Variants in RIMS2 observed in about 807,000 individuals in gnomAD.
RIMS2 encodes the protein regulating synaptic membrane exocytosis 2.
Under a neutral mutation model 174.4 loss-of-function variants are expected in RIMS2, and 59 were observed. The ratio of observed to expected loss-of-function variants is 0.34; its 90% CI spans 0.27 to 0.42. RIMS2 has a LOEUF of 0.42. RIMS2 is among the 10% of genes least tolerant of loss of function. The probability of loss-of-function intolerance (pLI) is 1.00; values close to 1 mark genes in which losing one functional copy is unlikely to be tolerated. For synonymous variants in RIMS2, 606 were observed against 572.5 expected, an observed-to-expected ratio of 1.06 and a Z score of -0.84; for missense variants, 1,620 against 1,666.3, an observed-to-expected ratio of 0.97 and a Z score of 0.48.
intron 1 of RIMS2, among the ~76,000 whole-genome samples, chr8:103,516,562 A>G (rs1699600465): frequency 2.0e-5 from 3 of 152,184 alleles, no homozygotes; most frequent in Admixed American, 2.0e-4. Flanking sequence ...TGAAAGATGG[A>G]AGAAAAGAAG....
chr8:103,998,332 GT>G (rs2095232114), intron 17 of RIMS2: 3 of 878,378 alleles, frequency 3.4e-6, no homozygotes, highest in South Asian at 3.1e-5. Flanking sequence ...TTTTATTTCT[GT>G]TTTTATGTAT....
chr8:104,045,620 A>T (rs1014065737), intron 19 of RIMS2, among the ~76,000 whole-genome samples: 20 of 151,872 alleles, frequency 1.3e-4, no homozygotes, highest in African/African-American at 4.6e-4. Flanking sequence ...TCATAAGTAG[A>T]TCTCAACATA....
chr8:104,087,364 A>G (rs574302943), intron 19 of RIMS2, among the ~76,000 whole-genome samples: 2 of 152,124 alleles, frequency 1.3e-5, no homozygotes, highest in African/African-American at 2.4e-5. Flanking sequence ...AAATAGCTGG[A>G]TAGATGATTG....
chr8:103,521,758 T>C (rs552871449), intron 1 of RIMS2, among the ~76,000 whole-genome samples: 6 of 152,116 alleles, frequency 3.9e-5, no homozygotes, highest in African/African-American at 1.4e-4. Context: ...GCTGCATTAG[T>C]AGCATTTCTC....
intron 1 of RIMS2, among the ~76,000 whole-genome samples, chr8:103,524,472 G>A (rs1409478311): frequency 4.6e-5 from 7 of 152,130 alleles, no homozygotes; most frequent in Admixed American, 3.9e-4. Context: ...ATTGCCAAAA[G>A]TCCTGGTAGG....
At chr8:104,107,345 T>C (rs894165328) in intron 19 of RIMS2, among the ~76,000 whole-genome samples, 1 of 152,178 alleles carries the variant, frequency 6.6e-6, no homozygotes, top group African/African-American at 2.4e-5. Context: ...ATAGTTTCTC[T>C]TGTGATACCC....
At chr8:103,933,026 C>T (rs1449157007) in intron 12 of RIMS2, among the ~76,000 whole-genome samples, 1 of 152,064 alleles carries the variant, frequency 6.6e-6, no homozygotes, top group African/African-American at 2.4e-5. Context: ...GGCGCGGTGG[C>T]TCATGCCTGT....
At chr8:103,633,911 A>T (rs1340777824) in intron 1 of RIMS2, among the ~76,000 whole-genome samples, 1 of 151,656 alleles carries the variant, frequency 6.6e-6, no homozygotes, top group Non-Finnish European at 1.5e-5. Context: ...TTTTATTTGG[A>T]TGTTCTCTTT....
chr8:104,137,164 G>C (rs1157900835), intron 19 of RIMS2, among the ~76,000 whole-genome samples: 1 of 152,156 alleles, frequency 6.6e-6, no homozygotes, highest in Non-Finnish European at 1.5e-5. Context: ...CTGAGGGACT[G>C]TTTCTTCAAG....
intron 3 of RIMS2, among the ~76,000 whole-genome samples, chr8:103,821,049 C>T (rs567366408): frequency 1.2e-3 from 179 of 149,684 alleles, no homozygotes; most frequent in South Asian, 2.3e-3. Flanking sequence ...TTTTTTAATG[C>T]CAAGAATTTG....
chr8:103,937,903 C>T (rs2081627429), intron 13 of RIMS2, among the ~76,000 whole-genome samples: 2 of 152,292 alleles, frequency 1.3e-5, no homozygotes, highest in South Asian at 4.1e-4. Flanking sequence ...TGCTTTGTCA[C>T]AGTGGCACAG....
chr8:103,558,443 C>A (rs1039055426), intron 1 of RIMS2, among the ~76,000 whole-genome samples: 1 of 152,150 alleles, frequency 6.6e-6, no homozygotes, highest in Non-Finnish European at 1.5e-5. Flanking sequence ...AGGGTGGTCT[C>A]AAACTCCAGG....
At chr8:103,693,433 AT>A (rs1337192763) in intron 1 of RIMS2, among the ~76,000 whole-genome samples, 1 of 152,176 alleles carries the variant, frequency 6.6e-6, no homozygotes, top group African/African-American at 2.4e-5. Flanking sequence ...GAGGAGGATA[AT>A]TAATGGAGGC....
chr8:103,659,939 A>C (rs2096577163), intron 1 of RIMS2, among the ~76,000 whole-genome samples: 1 of 152,194 alleles, frequency 6.6e-6, no homozygotes, highest in Non-Finnish European at 1.5e-5. Context: ...CCTGATGATG[A>C]CTACTTCTCC....
chr8:104,127,566 G>A (rs72685008), intron 19 of RIMS2, among the ~76,000 whole-genome samples: 5,190 of 152,208 alleles, frequency 0.034, 127 homozygotes, highest in Middle Eastern at 0.14. Context: ...ACTGTCTTGT[G>A]TTAACATGTA....
intron 2 of RIMS2, among the ~76,000 whole-genome samples, chr8:103,731,406 T>G (rs564127430): frequency 1.3e-5 from 2 of 152,266 alleles, no homozygotes; most frequent in East Asian, 3.9e-4. Context: ...CTTCAGGAGT[T>G]TGATTATTAA....
chr8:104,084,455 A>C (rs1437438819), intron 19 of RIMS2, among the ~76,000 whole-genome samples: 3 of 151,382 alleles, frequency 2.0e-5, no homozygotes, highest in Admixed American at 2.0e-4. Flanking sequence ...AAAAAAAAAA[A>C]ACTAAAGTAG....
At chr8:103,834,692 C>CTTT (rs1300143848) in intron 3 of RIMS2, among the ~76,000 whole-genome samples, 1 of 63,140 alleles carries the variant, frequency 1.6e-5, no homozygotes, top group Non-Finnish European at 2.9e-5. Context: ...TTCTTTCTTT[C>CTTT]TTTCTTTCTT....
At chr8:104,131,219 T>G (rs957671836) in intron 19 of RIMS2, among the ~76,000 whole-genome samples, 2 of 152,194 alleles carry the variant, frequency 1.3e-5, no homozygotes, top group Non-Finnish European at 2.9e-5. Flanking sequence ...TAGATTATTA[T>G]GTAAGTGGTA....
Sources: gnomAD v4.1 joint callset for allele counts (sites outside exome capture counted in the v4.1 genomes callset) on GRCh38, gnomAD v4.1.1 for gene constraint, MANE v1.5 for transcripts, NCBI Gene and HGNC (gene_info 2026-07-23, HGNC 2026-07-21) for gene names.